The following ZNF14 variants were observed in gnomAD, a reference collection of about 807,000 sequenced individuals.
ZNF14 encodes gonadotropin inducible transcription repressor-4.
Under a neutral mutation model 11.3 loss-of-function variants are expected in ZNF14, and 9 were observed. The observed-to-expected ratio is 0.80, with a 90% CI of 0.48 to 1.39. The LOEUF (loss-of-function observed/expected upper bound fraction) is 1.39. Ranked by LOEUF, ZNF14 falls within the 40% of genes most tolerant of loss-of-function variation. ZNF14 has a pLI of 0.00. For synonymous variants in ZNF14, 239 were observed against 245.7 expected, an observed-to-expected ratio of 0.97 and a Z score of 0.25; for missense variants, 711 against 763.9, an observed-to-expected ratio of 0.93 and a Z score of 0.82.
At position 19,712,318 on chromosome 19, in the gene ZNF14, G is replaced by A. The variant is rs1341912828; in HGVS notation, c.963C>T (p.Ser321=). ...TGTGTATTATTACATGTGCTCGAAA[G>A]CTTGCAGAATAAAAGAAGGCTTTTC... ...ECGKAFFYSA[S]FRAHVIIHTG... The change falls in exon 4 of 4, where the codon AGC becomes AGT. Residue 321 remains serine (S), a synonymous_variant. Transcript: ENST00000344099. 2 of 1,613,936 alleles carry A rather than the reference G, an allele frequency of 1.2e-6. No individual in the cohort carries two copies. Among genetic ancestry groups the A allele is most frequent in the South Asian group, 2.2e-5 (2 of 91,048 alleles).
intron 1 of ZNF14, among the ~76,000 whole-genome samples, chr19:19,726,815 A>C (rs1412282769): frequency 5.3e-5 from 7 of 131,252 alleles, no homozygotes; most frequent in African/African-American, 8.4e-5. Flanking sequence ...CTTGCTGCCG[A>C]CTTGCAGTTT....
At chr19:19,724,518 G>A (rs1281564825) in intron 1 of ZNF14, among the ~76,000 whole-genome samples, 1 of 133,728 alleles carries the variant, frequency 7.5e-6, no homozygotes. Context: ...GGTCAATTTT[G>A]GAATAAGTGC....
At chr19:19,731,902 C>T (rs2062424763) in intron 1 of ZNF14, among the ~76,000 whole-genome samples, 1 of 152,136 alleles carries the variant, frequency 6.6e-6, no homozygotes, top group Admixed American at 6.5e-5. Context: ...CCCGTCTCTA[C>T]TAAAAATACA....
At chr19:19,726,042 G>T (rs2062405515) in intron 1 of ZNF14, among the ~76,000 whole-genome samples, 1 of 134,618 alleles carries the variant, frequency 7.4e-6, no homozygotes, top group Non-Finnish European at 1.7e-5. Context: ...TTAGCTCAGA[G>T]AAGTTTGTTA....
rs1424617259 is a variant in ZNF14, at chr19:19,712,211, T to C, written c.1070A>G (p.His357Arg). ...ACATTCATATGGTTTTTCTCCAATA[T>C]GAGTTCTTTCATGCACTCGACAGGA... The part of the protein sequence containing the change: ...SNSCRVHERT[H>R]IGEKPYECKR... The change falls in exon 4 of 4, where the codon CAT (histidine) becomes CGT (arginine). Residue 357 changes from histidine to arginine, a missense_variant. Coordinates refer to ENST00000344099, the MANE Select transcript of ZNF14 (RefSeq NM_021030.3). The C allele has an allele frequency of 6.2e-7, 1 of 1,614,038 alleles. No individual in the cohort carries two copies. Among genetic ancestry groups the C allele is most frequent in the East Asian group, 2.2e-5 (1 of 44,878 alleles).
intron 1 of ZNF14, among the ~76,000 whole-genome samples, chr19:19,730,627 T>C (rs2062420491): frequency 6.6e-6 from 1 of 152,134 alleles, no homozygotes; most frequent in South Asian, 2.1e-4. Context: ...AGAAATCCAA[T>C]ACAGGCCGGG....
chr19:19,718,660 C>T (rs1487604329), intron 1 of ZNF14, among the ~76,000 whole-genome samples: 1 of 152,122 alleles, frequency 6.6e-6, no homozygotes, highest in Admixed American at 6.6e-5. Context: ...AAATCCACAC[C>T]TGGGTGTATC....
chr19:19,732,063 C>T (rs1444145804), intron 1 of ZNF14, among the ~76,000 whole-genome samples: 2 of 151,992 alleles, frequency 1.3e-5, no homozygotes, highest in Non-Finnish European at 2.9e-5. Context: ...GAGACTCCGT[C>T]ACACACAAAA....
At chr19:19,719,062 A>G (rs1293078972) in intron 1 of ZNF14, among the ~76,000 whole-genome samples, 1 of 152,164 alleles carries the variant, frequency 6.6e-6, no homozygotes. Context: ...CACCAGGACC[A>G]GCCCAAGACT....
intron 1 of ZNF14, among the ~76,000 whole-genome samples, chr19:19,731,593 C>A (rs955896181): frequency 2.0e-5 from 3 of 151,188 alleles, no homozygotes; most frequent in East Asian, 2.0e-4. Flanking sequence ...AGAAAAAAAA[C>A]AACAACAAAA....
intron 1 of ZNF14, among the ~76,000 whole-genome samples, chr19:19,732,300 AG>A (rs1198771341): frequency 1.3e-5 from 2 of 152,252 alleles, no homozygotes; most frequent in Non-Finnish European, 2.9e-5. Flanking sequence ...CCCAGAGCGA[AG>A]GGAAACTGGA....
intron 1 of ZNF14, among the ~76,000 whole-genome samples, chr19:19,714,713 CTTTT>C (rs3031866): frequency 1.6e-5 from 2 of 122,840 alleles, no homozygotes; most frequent in Admixed American, 1.7e-4. Context: ...TTTTCTTTTT[CTTTT>C]TTTTTTTTTT....
rs901128563 is a variant in ZNF14, at chr19:19,711,483, T to C, written c.1798A>G (p.Ser600Gly). Residue 600 changes from serine (S) to glycine (G), a missense_variant, in exon 4 of 4, where the codon AGT (serine) becomes GGT (glycine). Physicochemically the swap from Ser to Gly is moderately conservative, Grantham distance 56. Coordinates refer to ENST00000344099, the MANE Select transcript of ZNF14 (RefSeq NM_021030.3). The stretch of plus-strand genomic sequence containing the variant: ...GACCTTTCATGAATTCGAACAGAAC[T>C]TGAAAATCTGAAGGCTTTCCCACAT... ...KQCGKAFRFS[S>G]SVRIHERSHT... is the part of the protein sequence containing the mutation. 9.9e-6 allele frequency: 16 copies of C among 1,613,868 alleles called. No individual in the cohort carries two copies. Among genetic ancestry groups the C allele is most frequent in the Non-Finnish European group, 1.3e-5 (15 of 1,179,950 alleles).
intron 1 of ZNF14, among the ~76,000 whole-genome samples, chr19:19,716,870 A>T (rs1416948299): frequency 1.3e-5 from 2 of 152,098 alleles, no homozygotes. Flanking sequence ...GTTCTCAAAA[A>T]ATTCCATTTC....
intron 1 of ZNF14, among the ~76,000 whole-genome samples, chr19:19,731,599 C>T (rs1311864521): frequency 1.3e-5 from 2 of 151,608 alleles, no homozygotes; most frequent in South Asian, 2.1e-4. Context: ...AAAACAACAA[C>T]AAAACTACCC....
At chr19:19,723,299 T>C (rs1312270271) in intron 1 of ZNF14, among the ~76,000 whole-genome samples, 1 of 152,216 alleles carries the variant, frequency 6.6e-6, no homozygotes, top group African/African-American at 2.4e-5. Context: ...GAAGGGCTGT[T>C]GAATTTTGTT....
At chr19:19,731,498 C>T (rs1247219428) in intron 1 of ZNF14, among the ~76,000 whole-genome samples, 2 of 152,054 alleles carry the variant, frequency 1.3e-5, no homozygotes, top group Admixed American at 6.6e-5. Flanking sequence ...ACTGCTTGAA[C>T]CAGGGAGGCA....
chr19:19,712,900 T>C lies in ZNF14; in HGVS notation c.381A>G (p.Gly127=), dbSNP rs774242942. 195 of 1,614,058 alleles carry C rather than the reference T, an allele frequency of 1.2e-4. No individual in the cohort carries two copies. The highest frequency in any genetic ancestry group is 1.6e-4 in the Non-Finnish European group (191 of 1,180,018). The change falls in exon 4 of 4, where the codon GGA becomes GGG. Residue 127 remains glycine, a synonymous_variant. Transcript: ENST00000344099. ...ATTCCTGATACTCATTTGGTTTCTG[T>C]CCAGTGTGAGATCTCATGTGCCTAT... ...SLNRHMRSHT[G]QKPNEYQEYE...
rs79181772 is a variant in ZNF14, at chr19:19,713,263, T to C, written c.192-174A>G. Among the ~76,000 whole-genome samples the C allele has an allele frequency of 8.3e-3, 1,269 of 152,314 alleles. 17 individuals carry two copies. Among genetic ancestry groups the C allele is most frequent in the Non-Finnish European group, 0.012 (812 of 68,014 alleles). ...CTGGAAGAAGACTCAACCATAGTTA[T>C]GATCAAAACAGTCAATTTTTTTGTT... On this transcript the variant is annotated intron_variant, in intron 3 of 3. Coordinates refer to ENST00000344099, the MANE Select transcript of ZNF14 (RefSeq NM_021030.3).
Sources: gnomAD v4.1 joint callset for allele counts (sites outside exome capture counted in the v4.1 genomes callset) on GRCh38, gnomAD v4.1.1 for gene constraint, MANE v1.5 for transcripts, NCBI Gene and HGNC (gene_info 2026-07-23, HGNC 2026-07-21) for gene names.